Variants in TENM4 observed in about 807,000 individuals in gnomAD.
TENM4 encodes the protein teneurin-4.
In TENM4, 82 loss-of-function variants were observed where a neutral mutation model predicts 243.3. The observed-to-expected ratio is 0.34, with a 90% CI of 0.28 to 0.40. The LOEUF is 0.40. Among genes scored for constraint, TENM4 ranks in the 10% least tolerant of loss-of-function variants. TENM4 has a pLI of 1.00. For synonymous variants in TENM4, 1,412 were observed against 1,456.3 expected (o/e 0.97, Z 0.69); for missense variants, 3,138 against 3,673.3 (o/e 0.85, Z 3.77).
intron 2 of TENM4, among the ~76,000 whole-genome samples, chr11:79,280,910 A>T (rs768416142): frequency 2.6e-5 from 4 of 152,134 alleles, no homozygotes; most frequent in Admixed American, 6.5e-5. Context: ...CAAAATAAAC[A>T]CATAAAATGA....
chr11:79,399,884 T>C (rs1858420701), intron 1 of TENM4, among the ~76,000 whole-genome samples: 1 of 152,078 alleles, frequency 6.6e-6, no homozygotes, highest in South Asian at 2.1e-4. Context: ...ATCATGTATA[T>C]AAAGTGCCCA....
chr11:79,292,077 G>C (rs1005093232), intron 2 of TENM4, among the ~76,000 whole-genome samples: 1 of 152,132 alleles, frequency 6.6e-6, no homozygotes, highest in Non-Finnish European at 1.5e-5. Flanking sequence ...ACATGTTGCT[G>C]CTACCTTCTG....
In TENM4 at chr11:78,863,123, A is replaced by G. The variant is rs1210163344; in HGVS notation, c.1094T>C (p.Leu365Pro). Reference protein sequence around the residue: ...ILLAYFVAMHLFGLNWHLQPM... With the variant: ...ILLAYFVAMHPFGLNWHLQPM... ...CTGCAGGTGCCAGTTTAGGCCAAAC[A>G]GGTGCATGGCTGTGGTGAGCAATGA... is the stretch of plus-strand genomic sequence containing the variant. Residue 365 changes from leucine (L) to proline (P), a missense_variant, in exon 10 of 34, where the codon CTG (leucine) becomes CCG (proline). Leu to Pro is a moderately conservative substitution (Grantham distance 98). Around this residue, in one of 2 missense-constraint regions of TENM4, gnomAD observed 671 missense variants for 614.1 expected, o/e 1.09. Coordinates refer to ENST00000278550, the MANE Select transcript of TENM4 (RefSeq NM_001098816.3). 6.6e-7 allele frequency: 1 copy of G among 1,518,368 alleles called. No individual in the cohort carries two copies. Among genetic ancestry groups the G allele is most frequent in the African/African-American group, 1.4e-5 (1 of 72,590 alleles). The allele number at this position is 1,518,368 out of a possible 1,614,324, so 94.1% of individuals were successfully genotyped here.
intron 7 of TENM4, among the ~76,000 whole-genome samples, chr11:78,895,250 C>T (rs921070607): frequency 7.9e-5 from 12 of 151,350 alleles, no homozygotes; most frequent in African/African-American, 1.5e-4. Flanking sequence ...GCAGGAGAAT[C>T]GCTTGGACCC....
Position 79,246,031 on chromosome 11 carries a change from G to C in TENM4, c.-264-30122C>G, listed in dbSNP as rs185506470. On this transcript the variant is annotated intron_variant, in intron 2 of 33. Coordinates refer to ENST00000278550, the MANE Select transcript of TENM4 (RefSeq NM_001098816.3). Reference sequence around the variant, plus strand: ...AGAGAGTGAGTGAGAGAGAAAAAGAGAGAGAGAAAGACAAACAGCGCAAGT... The same window carrying C: ...AGAGAGTGAGTGAGAGAGAAAAAGACAGAGAGAAAGACAAACAGCGCAAGT... 3.2e-4 allele frequency among the ~76,000 whole-genome samples: 48 copies of C among 150,922 alleles called. 1 individual carries two copies. In the East Asian group the frequency reaches 9.2e-3, roughly 29 times the overall value.
chr11:79,037,709 A>G (rs1859423229), intron 6 of TENM4, among the ~76,000 whole-genome samples: 1 of 152,336 alleles, frequency 6.6e-6, no homozygotes, highest in South Asian at 2.1e-4. Context: ...CTCCCAAATA[A>G]CTGAAACCTG....
chr11:78,833,049 C>G (rs905024089), intron 12 of TENM4, among the ~76,000 whole-genome samples: 1 of 152,230 alleles, frequency 6.6e-6, no homozygotes, highest in Non-Finnish European at 1.5e-5. Flanking sequence ...AGAAACCCCA[C>G]AGGTCTCCTA....
In TENM4 at chr11:78,732,663, G is replaced by A. The variant is rs145161012; in HGVS notation, c.2877-86C>T. ...GAAAGAGAGAGACAAAGAAAGGGGA[G>A]AAAATTACACCAAAGGGTCTCAGCA... On this transcript the variant is annotated intron_variant, in intron 20 of 33. Coordinates refer to ENST00000278550, the MANE Select transcript of TENM4 (RefSeq NM_001098816.3). 1.8e-4 allele frequency: 252 copies of A among 1,425,470 alleles called. 1 individual carries two copies. In the African/African-American group the frequency reaches 3.1e-3, roughly 18 times the overall value. 88.3% of individuals were successfully genotyped at this position (1,425,470 alleles called of 1,614,324 possible).
chr11:79,071,821 C>T (rs935949470), intron 4 of TENM4, among the ~76,000 whole-genome samples: 1 of 152,168 alleles, frequency 6.6e-6, no homozygotes, highest in Non-Finnish European at 1.5e-5. Flanking sequence ...ATATAGTCTC[C>T]TGCCTAAGGC....
chr11:79,238,421 G>A (rs1864519600), intron 2 of TENM4, among the ~76,000 whole-genome samples: 1 of 152,148 alleles, frequency 6.6e-6, no homozygotes, highest in South Asian at 2.1e-4. Flanking sequence ...AAAAGGCAGA[G>A]GGAGGGTGAA....
chr11:79,437,619 G>T (rs1859302328), intron 1 of TENM4, among the ~76,000 whole-genome samples: 1 of 152,222 alleles, frequency 6.6e-6, no homozygotes, highest in African/African-American at 2.4e-5. Context: ...AGGGAGTCGC[G>T]GCCGACTCCT....
At chr11:79,373,515 T>A (rs1857830281) in intron 1 of TENM4, among the ~76,000 whole-genome samples, 1 of 151,732 alleles carries the variant, frequency 6.6e-6, no homozygotes, top group Non-Finnish European at 1.5e-5. Flanking sequence ...AATTCATGGG[T>A]AGATACATGG....
rs577833419 is a variant in TENM4, at chr11:78,885,141, A to G, written c.1084+4644T>C. On this transcript the variant is annotated intron_variant, in intron 9 of 33. Transcript: ENST00000278550. Reference sequence around the variant, plus strand: ...CTTAACAACTGGCAGTACAAGCTTCAGGGTCTGACCTAAAACTAGCATTGC... The same window carrying G: ...CTTAACAACTGGCAGTACAAGCTTCGGGGTCTGACCTAAAACTAGCATTGC... Among the ~76,000 whole-genome samples, 30 of 152,338 alleles carry G rather than the reference A, an allele frequency of 2.0e-4. No homozygotes were observed. The South Asian group carries it at 6.2e-3, about 32-fold the overall frequency.
rs151033140 is a variant in TENM4, at chr11:78,981,404, C to T, written c.494-77881G>A. Among the ~76,000 whole-genome samples the T allele has an allele frequency of 6.2e-3, 944 of 152,318 alleles. 11 individuals are homozygous for T. Among genetic ancestry groups the T allele is most frequent in the African/African-American group, 0.022 (902 of 41,564 alleles). On this transcript the variant is annotated intron_variant, in intron 6 of 33. Transcript: ENST00000278550. The stretch of plus-strand genomic sequence containing the variant: ...TATTATCTTCCATTTGTAGCAGCCA[C>T]TCTTGGTTGCATAGCAATACCTACT...
chr11:78,846,128 G>A (rs937604199), intron 12 of TENM4, among the ~76,000 whole-genome samples: 2 of 152,194 alleles, frequency 1.3e-5, no homozygotes, highest in Non-Finnish European at 2.9e-5. Context: ...GTAAGAATGT[G>A]TGTTTTGGAT....
At chr11:78,826,622 C>G (rs1202273564) in intron 12 of TENM4, among the ~76,000 whole-genome samples, 1 of 152,000 alleles carries the variant, frequency 6.6e-6, no homozygotes, top group Non-Finnish European at 1.5e-5. Flanking sequence ...GGGGCAGTAG[C>G]CTTCCATAGG....
intron 4 of TENM4, among the ~76,000 whole-genome samples, chr11:79,100,634 T>C (rs779887594): frequency 7.9e-5 from 12 of 152,080 alleles, no homozygotes; most frequent in Non-Finnish European, 1.2e-4. Context: ...CAGTAAGTGC[T>C]CAGTAAATAT....
At chr11:79,410,715 AG>A (rs1858681067) in intron 1 of TENM4, among the ~76,000 whole-genome samples, 1 of 152,228 alleles carries the variant, frequency 6.6e-6, no homozygotes, top group African/African-American at 2.4e-5. Context: ...AATTAGGAAT[AG>A]TATTGCCTGC....
chr11:78,845,072 G>A (rs1858358830), intron 12 of TENM4, among the ~76,000 whole-genome samples: 1 of 152,184 alleles, frequency 6.6e-6, no homozygotes, highest in Admixed American at 6.5e-5. Flanking sequence ...GCCTGGCAGA[G>A]GTAGCAGCCC....
Sources: allele counts gnomAD v4.1 joint callset (sites outside exome capture counted in the v4.1 genomes callset), GRCh38; gene constraint gnomAD v4.1.1; regional missense constraint gnomAD v4.1.1; transcripts MANE v1.5; gene names NCBI Gene and HGNC (gene_info 2026-07-23, HGNC 2026-07-21).